The following NUP98 variants were observed in gnomAD, a reference collection of about 807,000 sequenced individuals.
NUP98 encodes the protein nucleoporin 98 and 96 precursor.
NUP98 carries 26 observed loss-of-function variants against 191.9 expected under a neutral mutation model. That is an observed-to-expected ratio of 0.14 (90% CI 0.10 to 0.19). The LOEUF (loss-of-function observed/expected upper bound fraction) is 0.19. Among genes scored for constraint, NUP98 ranks in the 10% least tolerant of loss-of-function variants. The pLI is 1.00. For synonymous variants in NUP98, 808 were observed against 778.4 expected (o/e 1.04, Z -0.63); for missense variants, 1,941 against 2,178.8 (o/e 0.89, Z 2.17).
chr11:3,726,897 G>T (rs571040138), intron 14 of NUP98, among the ~76,000 whole-genome samples: 1 of 151,712 alleles, frequency 6.6e-6, no homozygotes, highest in South Asian at 2.1e-4. Flanking sequence ...AAATAGCTGG[G>T]ACTATCGGCA....
chr11:3,759,680 T>A (rs111423110), intron 10 of NUP98, among the ~76,000 whole-genome samples: 3,190 of 152,292 alleles, frequency 0.021, 52 homozygotes, highest in Middle Eastern at 0.068. Flanking sequence ...GGTTAAGGTT[T>A]TGAAAATTAT....
At chr11:3,698,496 G>C (rs2078579455) in intron 25 of NUP98, among the ~76,000 whole-genome samples, 1 of 151,890 alleles carries the variant, frequency 6.6e-6, no homozygotes. Flanking sequence ...GGGAGGCCAA[G>C]GTGGGTGGAT....
rs367652903 is a variant in NUP98 at position 3,771,938 on chromosome 11, G to C, written c.604-10C>G. ...CCTCTAAACGAAGTTCCTGAAGGGA[G>C]GGAAAACATATTTCTAATCTTAACA... On this transcript the variant is annotated splice_polypyrimidine_tract_variant and intron_variant, in intron 6 of 32. Coordinates refer to ENST00000324932, the MANE Select transcript of NUP98 (RefSeq NM_016320.5). 11 of 1,608,858 alleles carry C rather than the reference G, an allele frequency of 6.8e-6. No homozygotes were observed. Among genetic ancestry groups the C allele is most frequent in the Non-Finnish European group, 9.3e-6 (11 of 1,176,604 alleles).
At chr11:3,781,861 AATTT>A (rs1278849260) in intron 2 of NUP98, among the ~76,000 whole-genome samples, 177 bp downstream of exon 2, 17 of 152,174 alleles carry the variant, frequency 1.1e-4, no homozygotes, top group Admixed American at 1.3e-4. Flanking sequence ...GAAAACTTAG[AATTT>A]ATTTCTACTT....
Position 3,763,056 on chromosome 11 carries a change from A to G in NUP98, c.949-17T>C. 1 of 1,611,452 alleles carries G rather than the reference A, an allele frequency of 6.2e-7. No individual in the cohort carries two copies. Among genetic ancestry groups the G allele is most frequent in the Non-Finnish European group, 8.5e-7 (1 of 1,178,932 alleles). ...AAATAATCCCTGCAAAGAAGTTTATATAGATTAAAAGATATCCTGTAATAG... is the reference window on the plus strand; with the variant it reads ...AAATAATCCCTGCAAAGAAGTTTATGTAGATTAAAAGATATCCTGTAATAG... On this transcript the variant is annotated splice_polypyrimidine_tract_variant and intron_variant, in intron 8 of 32. Coordinates refer to ENST00000324932, the MANE Select transcript of NUP98 (RefSeq NM_016320.5).
chr11:3,756,673 C>T (rs1348052404), intron 10 of NUP98, among the ~76,000 whole-genome samples: 1 of 151,954 alleles, frequency 6.6e-6, no homozygotes, highest in Admixed American at 6.6e-5. Flanking sequence ...CTGCCAGCCT[C>T]GGTCTCCCAA....
intron 20 of NUP98, chr11:3,712,087 A>G (rs1250758623): frequency 2.1e-5 from 22 of 1,051,852 alleles, no homozygotes; most frequent in South Asian, 4.6e-5. Flanking sequence ...TTAAAATACA[A>G]ATATCAAGGT....
intron 8 of NUP98, among the ~76,000 whole-genome samples, chr11:3,764,704 G>A (rs532804683): frequency 6.6e-6 from 1 of 152,220 alleles, no homozygotes; most frequent in African/African-American, 2.4e-5. Context: ...TCAGCCCCCT[G>A]AGTAGCTGGA....
Position 3,679,618 on chromosome 11 carries a change from T to C in NUP98, c.5009A>G (p.Glu1670Gly). 6.2e-7 allele frequency: 1 copy of C among 1,614,218 alleles called. No homozygotes were observed. The highest frequency in any genetic ancestry group is 8.5e-7 in the Non-Finnish European group (1 of 1,180,044). Residue 1670 changes from glutamate to glycine, a missense_variant, in exon 31 of 33, where the codon GAA becomes GGA. Transcript: ENST00000324932. ...PERSSLIQDW[E>G]TSGLVYLDYI... ...GTCCAGGTAAACAAGCCCAGATGTT[T>C]CCCAATCCTGAATTAGGCTGCTGCG...
intron 6 of NUP98, among the ~76,000 whole-genome samples, chr11:3,773,213 G>C (rs1049696208): frequency 2.0e-5 from 3 of 152,026 alleles, no homozygotes; most frequent in Non-Finnish European, 4.4e-5. Context: ...ACCGGCCTGA[G>C]CAACATAGTG....
intron 30 of NUP98, 102 bp from the exon 31 acceptor site, chr11:3,679,810 G>C: frequency 1.7e-6 from 2 of 1,184,864 alleles, no homozygotes; most frequent in South Asian, 3.1e-5. Flanking sequence ...AAATAATGTT[G>C]GCTGGACTTC....
chr11:3,690,452 G>C (rs139657596), intron 28 of NUP98, among the ~76,000 whole-genome samples: 10,352 of 151,654 alleles, frequency 0.068, 493 homozygotes, highest in Non-Finnish European at 0.11. Context: ...AGTAGAGACA[G>C]GGTTTCACTG....
At chr11:3,781,844 A>C (rs921706344) in intron 2 of NUP98, among the ~76,000 whole-genome samples, 198 bp downstream of exon 2, 1 of 152,168 alleles carries the variant, frequency 6.6e-6, no homozygotes, top group Admixed American at 6.6e-5. Flanking sequence ...AATCAGAAGA[A>C]GGCCATGAAA....
chr11:3,694,944 A>G (rs766918754), intron 26 of NUP98, among the ~76,000 whole-genome samples: 6 of 152,230 alleles, frequency 3.9e-5, no homozygotes, highest in African/African-American at 7.2e-5. Context: ...ACTCCTATGT[A>G]TAATTTATTT....
chr11:3,790,336 AG>A (rs2082293938), intron 1 of NUP98, among the ~76,000 whole-genome samples: 2 of 152,170 alleles, frequency 1.3e-5, no homozygotes, highest in African/African-American at 4.8e-5. Context: ...TGAAGTGAAG[AG>A]GGAGTAGGTA....
At chr11:3,727,382 G>A (rs1183818154) in intron 14 of NUP98, among the ~76,000 whole-genome samples, 1 of 152,074 alleles carries the variant, frequency 6.6e-6, no homozygotes, top group East Asian at 1.9e-4. Context: ...CAGAACTCCT[G>A]AACAAAATTT....
rs561481197 is a variant in NUP98, at chr11:3,698,640, T to G, written c.4009+442A>C. On this transcript the variant is annotated intron_variant, in intron 25 of 32. Transcript: ENST00000324932. Reference sequence around the variant, plus strand: ...TACTTGGGAGGCTGAGGCAAGAGAATCGCTTGAACCCAGGAGGAGGAGGTT... The same window carrying G: ...TACTTGGGAGGCTGAGGCAAGAGAAGCGCTTGAACCCAGGAGGAGGAGGTT... Among the ~76,000 whole-genome samples, 28 of 144,092 alleles carry G rather than the reference T, an allele frequency of 1.9e-4. 2 individuals carry two copies. In the South Asian group the frequency reaches 3.9e-3, roughly 20 times the overall value. 94.5% of individuals were successfully genotyped at this position (144,092 alleles called of 152,430 possible).
chr11:3,734,936 T>C (rs563395251), intron 13 of NUP98, among the ~76,000 whole-genome samples: 11 of 152,304 alleles, frequency 7.2e-5, no homozygotes, highest in African/African-American at 2.4e-4. Flanking sequence ...AATGAGAACA[T>C]TAATATCTGC....
rs61471948 is a variant in NUP98, at chr11:3,792,178, C to CAAA, written c.-29+5219_-29+5221dup. Reference sequence around the variant, plus strand: ...CAGGTGACAGAGTGAAACTCCATCTCAAAAAAAAAAAAAAAAAAAAAAAAA... The same window carrying CAAA: ...CAGGTGACAGAGTGAAACTCCATCTCAAAAAAAAAAAAAAAAAAAAAAAAAAAA... On this transcript the variant is annotated intron_variant, in intron 1 of 32. Coordinates refer to ENST00000324932, the MANE Select transcript of NUP98 (RefSeq NM_016320.5). Among the ~76,000 whole-genome samples, 88 of 58,848 alleles carry CAAA rather than the reference C, an allele frequency of 1.5e-3. 3 individuals are homozygous for CAAA. The highest frequency in any genetic ancestry group is 1.8e-3 in the Non-Finnish European group (58 of 32,390). 38.6% of individuals were successfully genotyped at this position (58,848 alleles called of 152,430 possible). A position where few individuals can be genotyped will look rare whatever the true frequency, so the allele number is the denominator to read the frequency against.
Sources: gnomAD v4.1 joint callset for allele counts (sites outside exome capture counted in the v4.1 genomes callset) on GRCh38, gnomAD v4.1.1 for gene constraint, MANE v1.5 for transcripts, NCBI Gene and HGNC (gene_info 2026-07-23, HGNC 2026-07-21) for gene names.